Variants in SEMA5A observed in about 807,000 individuals in gnomAD.
SEMA5A encodes semaphorin 5A, also known as semaphorin-5A.
A neutral mutation model predicts 135.5 loss-of-function variants in SEMA5A; 55 were observed. That is an observed-to-expected ratio of 0.41 (90% CI 0.33 to 0.51). The LOEUF (loss-of-function observed/expected upper bound fraction) is 0.51. SEMA5A is among the 20% of genes least tolerant of loss of function. The pLI, the probability that SEMA5A is intolerant of heterozygous loss-of-function variation, is 0.37. For missense variants in SEMA5A, 1,290 were observed against 1,419.9 expected, an observed-to-expected ratio of 0.91 and a Z score of 1.47; for synonymous variants, 580 against 546.5, an observed-to-expected ratio of 1.06 and a Z score of -0.85.
intron 2 of SEMA5A, among the ~76,000 whole-genome samples, chr5:9,424,867 C>CG (rs1757589318): frequency 6.6e-6 from 1 of 152,210 alleles, no homozygotes; most frequent in Non-Finnish European, 1.5e-5. Context: ...ACCATCACGC[C>CG]TGACCCCATC....
At chr5:9,416,253 A>T (rs150150844) in intron 2 of SEMA5A, among the ~76,000 whole-genome samples, 3,861 of 152,306 alleles carry the variant, frequency 0.025, 55 homozygotes, top group South Asian at 0.041. Flanking sequence ...TCATTAGTAC[A>T]TAAATGAGGA....
intron 1 of SEMA5A, among the ~76,000 whole-genome samples, chr5:9,521,098 G>T (rs1370250391): frequency 6.6e-6 from 1 of 152,192 alleles, no homozygotes; most frequent in Non-Finnish European, 1.5e-5. Flanking sequence ...ACTTTTCTGG[G>T]CATCTAAGAC....
chr5:9,424,018 G>A (rs4702625), intron 2 of SEMA5A, among the ~76,000 whole-genome samples: 108,338 of 152,008 alleles, frequency 0.71, 38,995 homozygotes, highest in Middle Eastern at 0.8. Flanking sequence ...AGAACACAGT[G>A]CAGCAAATTT....
At chr5:9,422,841 C>T (rs979784943) in intron 2 of SEMA5A, among the ~76,000 whole-genome samples, 7 of 152,036 alleles carry the variant, frequency 4.6e-5, no homozygotes, top group African/African-American at 1.7e-4. Flanking sequence ...AAAAATAGTG[C>T]AAAAAAATTA....
intron 14 of SEMA5A, 67 bp downstream of exon 14, chr5:9,122,589 T>C: frequency 7.1e-7 from 1 of 1,403,522 alleles, no homozygotes. Flanking sequence ...ATAAATGATG[T>C]CCCAAACTCC....
At chr5:9,283,065 T>C (rs1395666329) in intron 5 of SEMA5A, among the ~76,000 whole-genome samples, 1 of 152,184 alleles carries the variant, frequency 6.6e-6, no homozygotes, top group Non-Finnish European at 1.5e-5. Context: ...AGATAATCAA[T>C]GTGCATTGTT....
intron 3 of SEMA5A, among the ~76,000 whole-genome samples, chr5:9,378,755 C>T (rs1416764957): frequency 6.6e-6 from 1 of 152,204 alleles, no homozygotes; most frequent in African/African-American, 2.4e-5. Context: ...TTTGACTTAA[C>T]TGGCCAAAAG....
intron 16 of SEMA5A, among the ~76,000 whole-genome samples, chr5:9,093,934 C>T (rs762917797): frequency 3.9e-5 from 6 of 152,158 alleles, no homozygotes; most frequent in Non-Finnish European, 7.4e-5. Flanking sequence ...TTAACTTGGC[C>T]GAGTCCTGCC....
intron 4 of SEMA5A, among the ~76,000 whole-genome samples, chr5:9,318,667 A>C (rs1752494909): frequency 6.6e-6 from 1 of 152,186 alleles, no homozygotes; most frequent in Non-Finnish European, 1.5e-5. Flanking sequence ...TACTTACGGT[A>C]AGTGTAAGTC....
intron 16 of SEMA5A, among the ~76,000 whole-genome samples, chr5:9,091,488 A>C (rs867792596): frequency 6.6e-6 from 1 of 152,294 alleles, no homozygotes; most frequent in Middle Eastern, 3.4e-3. Flanking sequence ...AGCCTGCCAA[A>C]TCTCTTCAGG....
At chr5:9,144,248 T>C (rs1472624380) in intron 12 of SEMA5A, among the ~76,000 whole-genome samples, 2 of 152,218 alleles carry the variant, frequency 1.3e-5, no homozygotes, top group African/African-American at 2.4e-5. Context: ...TTATTTGCTA[T>C]ATAACATGTT....
chr5:9,361,977 T>G (rs1180416735), intron 3 of SEMA5A, among the ~76,000 whole-genome samples: 2 of 152,192 alleles, frequency 1.3e-5, no homozygotes, highest in Non-Finnish European at 2.9e-5. Flanking sequence ...TTAAGGCCCC[T>G]GCTGGCAAGG....
intron 4 of SEMA5A, among the ~76,000 whole-genome samples, chr5:9,326,802 G>T (rs979317159): frequency 6.6e-6 from 1 of 152,088 alleles, no homozygotes; most frequent in Non-Finnish European, 1.5e-5. Context: ...AGGAAAAATA[G>T]TAACTATATC....
At chr5:9,048,181 G>A (rs542599706) in intron 21 of SEMA5A, among the ~76,000 whole-genome samples, 1 of 152,106 alleles carries the variant, frequency 6.6e-6, no homozygotes, top group Admixed American at 6.6e-5. Flanking sequence ...CCTAACCAGG[G>A]CTACTGTGGC....
At chr5:9,495,625 A>T (rs1300824276) in intron 1 of SEMA5A, among the ~76,000 whole-genome samples, 1 of 152,220 alleles carries the variant, frequency 6.6e-6, no homozygotes, top group Non-Finnish European at 1.5e-5. Context: ...ACAAGACTAT[A>T]GTGAGACAAG....
intron 8 of SEMA5A, among the ~76,000 whole-genome samples, chr5:9,219,519 T>C (rs577405610): frequency 3.3e-5 from 5 of 152,234 alleles, no homozygotes; most frequent in African/African-American, 4.8e-5. Context: ...AATGAGGTCA[T>C]TGGAGTGGGC....
At chr5:9,508,784 C>T (rs1291310942) in intron 1 of SEMA5A, among the ~76,000 whole-genome samples, 1 of 152,202 alleles carries the variant, frequency 6.6e-6, no homozygotes, top group Non-Finnish European at 1.5e-5. Flanking sequence ...TGCAACTACC[C>T]ATCTTCTTTG....
intron 13 of SEMA5A, among the ~76,000 whole-genome samples, chr5:9,132,008 C>G (rs528190531): frequency 2.0e-5 from 3 of 152,288 alleles, no homozygotes; most frequent in Non-Finnish European, 4.4e-5. Context: ...TTATTCTAAT[C>G]AGTCTAGATA....
In SEMA5A at chr5:9,204,046, C is replaced by T. The variant is rs939235398; in HGVS notation, c.647-1806G>A. Among the ~76,000 whole-genome samples the T allele has an allele frequency of 6.6e-6, 1 of 152,002 alleles. No homozygotes were observed. Among genetic ancestry groups the T allele is most frequent in the Non-Finnish European group, 1.5e-5 (1 of 68,000 alleles). ...CAGAATTACCTGATGAAGCAGGCCC[C>T]AAAAGCAAAGATACGGAACAATTTC... On this transcript the variant is annotated intron_variant, in intron 8 of 22. Transcript: ENST00000382496. This position sits in a 1 kb window ranked among gnomAD's most constrained non-coding sequence, Gnocchi z 6.4.
Sources: gnomAD v4.1 joint callset for allele counts (sites outside exome capture counted in the v4.1 genomes callset) on GRCh38, gnomAD v4.1.1 for gene constraint, Gnocchi (gnomAD v3.1) non-coding constraint, MANE v1.5 for transcripts, NCBI Gene and HGNC (gene_info 2026-07-23, HGNC 2026-07-21) for gene names.